The following GPR35 variants were observed in gnomAD, a reference collection of about 807,000 sequenced individuals.
GPR35 encodes the protein G protein-coupled receptor 35.
For synonymous variants in GPR35, 207 were observed against 198.4 expected, an observed-to-expected ratio of 1.04 and a Z score of -0.36; for missense variants, 372 against 422.5, an observed-to-expected ratio of 0.88 and a Z score of 1.05.
At chr2:240,614,189 G>A (rs539397758) in intron 2 of GPR35, among the ~76,000 whole-genome samples, 6 of 151,556 alleles carry the variant, frequency 4.0e-5, no homozygotes, top group African/African-American at 7.3e-5. Flanking sequence ...CTAATCCTAA[G>A]TCTCATGTTG....
At chr2:240,606,668 G>C (rs73110008) in intron 2 of GPR35, 9 of 152,392 alleles carry the variant, frequency 5.9e-5, no homozygotes, top group African/African-American at 9.6e-5. Flanking sequence ...AGTGGCAGGG[G>C]GGGTATTCCT....
upstream of GPR35, among the ~76,000 whole-genome samples, chr2:240,623,072 C>T (rs1462125563): frequency 2.6e-5 from 4 of 152,294 alleles, no homozygotes; most frequent in East Asian, 1.9e-4. Flanking sequence ...CTGAGCCGGG[C>T]GCCGACGACG....
At chr2:240,628,462 G>C (rs2043402193) in intron 1 of GPR35, 1 of 152,276 alleles carries the variant, frequency 6.6e-6, no homozygotes, top group Non-Finnish European at 1.5e-5. Context: ...AATATCTGCT[G>C]TACTTCACCA....
At chr2:240,609,050 G>A (rs550897844) in intron 2 of GPR35, among the ~76,000 whole-genome samples, 20 of 152,186 alleles carry the variant, frequency 1.3e-4, no homozygotes, top group African/African-American at 4.8e-4. Context: ...TTCTTCTGAT[G>A]TCTGTAGGGT....
At chr2:240,622,673 G>A (rs891746514), upstream of GPR35, among the ~76,000 whole-genome samples, 93 of 152,376 alleles carry the variant, frequency 6.1e-4, 1 homozygote, top group Admixed American at 4.7e-3. Context: ...GGTGGCGTCC[G>A]GCAGCTCTAG....
chr2:240,625,209 T>C, upstream of GPR35: 1 of 941,648 alleles, frequency 1.1e-6, no homozygotes, highest in South Asian at 4.9e-5. Flanking sequence ...GGCTGGAGCG[T>C]CTCTGGTTTT....
chr2:240,606,561 C>G (rs1200492482), exon 2 of GPR35: 4 of 152,310 alleles, frequency 2.6e-5, no homozygotes, highest in Non-Finnish European at 4.4e-5. Flanking sequence ...ACATCCTTCA[C>G]CCCTGCCCCC....
At chr2:240,613,746 C>G (rs139984256) in intron 2 of GPR35, among the ~76,000 whole-genome samples, 1 of 151,974 alleles carries the variant, frequency 6.6e-6, no homozygotes, top group Non-Finnish European at 1.5e-5. Context: ...CATATGGACC[C>G]GAACCCTAAC....
At chr2:240,623,299 G>A (rs2043320172), upstream of GPR35, among the ~76,000 whole-genome samples, 1 of 117,898 alleles carries the variant, frequency 8.5e-6, no homozygotes, top group Admixed American at 1.0e-4. Flanking sequence ...GCTGGAAACA[G>A]GTCATGAGGG....
chr2:240,626,521 C>T (rs982634317), intron 1 of GPR35, among the ~76,000 whole-genome samples: 4 of 152,026 alleles, frequency 2.6e-5, no homozygotes, highest in Non-Finnish European at 4.4e-5. Flanking sequence ...GTGGCTGAGG[C>T]TGATGAAGAC....
At chr2:240,612,426 CAAAAAAAAAAA>C (rs5839796) in intron 2 of GPR35, among the ~76,000 whole-genome samples, 1 of 76,722 alleles carries the variant, frequency 1.3e-5, no homozygotes, top group Non-Finnish European at 2.6e-5. Context: ...GACTCTGTCT[CAAAAAAAAAAA>C]AAAAAAAAAA....
chr2:240,628,545 C>G (rs2953154), intron 1 of GPR35: 112,264 of 152,170 alleles, frequency 0.74, 42,191 homozygotes, highest in East Asian at 1. Flanking sequence ...CCTGTGCCCT[C>G]CATCCCTCAT....
chr2:240,610,911 G>A (rs1166382284), intron 2 of GPR35, among the ~76,000 whole-genome samples: 3 of 151,482 alleles, frequency 2.0e-5, no homozygotes, highest in Non-Finnish European at 4.4e-5. Context: ...TGGGGTTACA[G>A]GCATGAGCCA....
chr2:240,623,113 C>T (rs888785366), upstream of GPR35, among the ~76,000 whole-genome samples: 3 of 152,222 alleles, frequency 2.0e-5, no homozygotes, highest in Admixed American at 6.5e-5. Flanking sequence ...CCGGCACTCG[C>T]AGCCCCGCGG....
rs761469937 is a variant in GPR35, at chr2:240,630,864, G to C, written c.912G>C (p.Leu304=). ...SAKAHKSQDS[L]CVTLA is the part of the protein sequence containing the mutation. ...AGGCCCACAAAAGCCAGGACTCTCT[G>C]TGCGTGACCCTCGCCTAAGAGGCGT... The change falls in exon 2 of 2, where the codon CTG becomes CTC. Residue 304 remains leucine, a synonymous_variant. Transcript: ENST00000407714. 1 of 1,612,212 alleles carries C rather than the reference G, an allele frequency of 6.2e-7. No homozygotes were observed. Among genetic ancestry groups the C allele is most frequent in the Admixed American group, 1.7e-5 (1 of 60,018 alleles).
upstream of GPR35, among the ~76,000 whole-genome samples, chr2:240,623,310 C>T (rs35263560): frequency 0.41 from 38,176 of 92,914 alleles, 7,233 homozygotes; most frequent in Middle Eastern, 0.62. Flanking sequence ...GTCATGAGGG[C>T]GCAAACAGGT....
At chr2:240,613,932 C>T (rs1014229893) in intron 2 of GPR35, among the ~76,000 whole-genome samples, 3 of 151,578 alleles carry the variant, frequency 2.0e-5, no homozygotes, top group Non-Finnish European at 4.4e-5. Context: ...TAACCCTAAC[C>T]GAAACTCTAA....
At chr2:240,612,806 A>C (rs2043196653) in intron 2 of GPR35, among the ~76,000 whole-genome samples, 1 of 152,164 alleles carries the variant, frequency 6.6e-6, no homozygotes, top group South Asian at 2.1e-4. Flanking sequence ...AGGTCTGGGG[A>C]GGTCAGAGCG....
In GPR35 at chr2:240,617,405, G is replaced by A. The variant is rs905582610; in HGVS notation, c.-149+12G>A. On this transcript the variant is annotated intron_variant, in intron 4 of 5. Coordinates refer to the GPR35 transcript ENST00000319838. ...TTCTCATTTTAGAGGTAATTTTTTT[G>A]TGTAGCAATAGGTAGCTGACAATGC... The A allele has an allele frequency of 6.5e-6, 4 of 612,714 alleles. No homozygotes were observed. The African/African-American group carries it at 7.4e-5, about 11-fold the overall frequency. The allele number at this position is 612,714 out of a possible 1,614,324, so 38.0% of individuals were successfully genotyped here.
Sources: gnomAD v4.1 joint callset for allele counts (sites outside exome capture counted in the v4.1 genomes callset) on GRCh38, gnomAD v4.1.1 for gene constraint, MANE v1.5 for transcripts, NCBI Gene and HGNC (gene_info 2026-07-23, HGNC 2026-07-21) for gene names.